The following OTOA variants were observed in gnomAD, a reference collection of about 807,000 sequenced individuals.
OTOA encodes cancer/testis antigen 108.
In OTOA, 70 loss-of-function variants were observed where a neutral mutation model predicts 110.8. The observed-to-expected ratio is 0.63, with a 90% CI of 0.52 to 0.77. The LOEUF (loss-of-function observed/expected upper bound fraction) is 0.77. Ranked by LOEUF, OTOA falls within the 30% of genes least tolerant of loss-of-function variation. OTOA has a pLI of 0.00. For synonymous variants in OTOA, 373 were observed against 431.5 expected (o/e 0.86, Z 1.68); for missense variants, 917 against 1,075.8 (o/e 0.85, Z 2.06).
intron 22 of OTOA, among the ~76,000 whole-genome samples, chr16:21,738,789 T>C (rs1464952007): frequency 1.8e-4 from 27 of 152,416 alleles, no homozygotes; most frequent in African/African-American, 6.0e-4. Flanking sequence ...AAAACAGGAA[T>C]GCCTATTCCC....
At chr16:21,739,089 C>T (rs542667562) in intron 22 of OTOA, among the ~76,000 whole-genome samples, 4 of 152,422 alleles carry the variant, frequency 2.6e-5, no homozygotes, top group Admixed American at 2.0e-4. Context: ...TTTGAGTGTT[C>T]TTTAGTTGGT....
At chr16:21,751,561 T>C (rs1169251830) in intron 24 of OTOA, among the ~76,000 whole-genome samples, 1 of 86,720 alleles carries the variant, frequency 1.2e-5, no homozygotes, top group Non-Finnish European at 2.7e-5. Context: ...AGAAACGTTG[T>C]GGAAAAAGAT....
rs149729555 is a variant in OTOA, at chr16:21,760,390, C to T, written c.3350-80C>T. 9,420 of 1,150,856 alleles carry T rather than the reference C, an allele frequency of 8.2e-3. 279 individuals carry two copies. In the African/African-American group the frequency reaches 0.12, roughly 15 times the overall value. 71.3% of individuals were successfully genotyped at this position (1,150,856 alleles called of 1,614,324 possible). The stretch of plus-strand genomic sequence containing the variant: ...CATCAAGTGGCCCCAGAGAGAGACT[C>T]GGGGAGTTGGACATCATGTGTCTAC... On this transcript the variant is annotated intron_variant, in intron 28 of 28. Transcript: ENST00000646100.
chr16:21,723,261 G>T (rs139739270), intron 18 of OTOA, among the ~76,000 whole-genome samples: 1 of 152,106 alleles, frequency 6.6e-6, no homozygotes, highest in African/African-American at 2.4e-5. Flanking sequence ...CTGGCTTTGC[G>T]GCTGTGCCAG....
intron 10 of OTOA, among the ~76,000 whole-genome samples, chr16:21,698,921 A>AGGAATTTT (rs879787606): frequency 2.9e-4 from 44 of 152,138 alleles, no homozygotes; most frequent in Non-Finnish European, 4.7e-4. Context: ...GAAGTCAAGA[A>AGGAATTTT]TAACACTGCT....
chr16:21,756,574 T>C (rs1402530106), intron 27 of OTOA, among the ~76,000 whole-genome samples: 2 of 152,064 alleles, frequency 1.3e-5, no homozygotes, highest in South Asian at 4.2e-4. Context: ...GGTGGAAGAC[T>C]TGAAGCACTG....
chr16:21,733,354 C>A (rs1415378899), intron 21 of OTOA, among the ~76,000 whole-genome samples: 1 of 150,262 alleles, frequency 6.7e-6, no homozygotes, highest in African/African-American at 2.4e-5. Flanking sequence ...ATTAGAATCA[C>A]CTGGGGAGAT....
intron 10 of OTOA, 90 bp from the exon 11 acceptor site, chr16:21,700,798 G>A (rs1277875023): frequency 6.7e-7 from 1 of 1,492,950 alleles, no homozygotes; most frequent in Admixed American, 1.7e-5. Context: ...AAGTGTCCAT[G>A]ATGGGGCACA....
At chr16:21,719,302 T>A in intron 16 of OTOA, 85 bp from the exon 17 acceptor site, 7 of 1,541,900 alleles carry the variant, frequency 4.5e-6, no homozygotes, top group Non-Finnish European at 6.3e-6. Flanking sequence ...GTAGCTTGTA[T>A]CTGATCATAT....
chr16:21,719,069 G>C (rs372050850), intron 15 of OTOA, 64 bp from the exon 16 acceptor site: 1 of 1,481,046 alleles, frequency 6.8e-7, no homozygotes, highest in African/African-American at 1.4e-5. Context: ...TCCTGATAGG[G>C]CCTCACAGTG....
intron 20 of OTOA, 140 bp downstream of exon 20, chr16:21,728,571 C>T: frequency 9.0e-7 from 1 of 1,110,714 alleles, no homozygotes; most frequent in South Asian, 1.6e-5. Context: ...GAAATGTGAC[C>T]TTTCTTCTTT....
In OTOA at chr16:21,670,753, A is replaced by G. The variant is rs76580355; in HGVS notation, c.-5+6521A>G. Among the ~76,000 whole-genome samples, 1,342 of 152,344 alleles carry G rather than the reference A, an allele frequency of 8.8e-3. 49 individuals are homozygous for G. Among genetic ancestry groups the G allele is most frequent in the East Asian group, 0.081 (419 of 5,188 alleles). On this transcript the variant is annotated intron_variant, in intron 1 of 28. Coordinates refer to ENST00000646100, the MANE Select transcript of OTOA (RefSeq NM_144672.4). ...ATGTATTATAGCTGTGCTTGGTGCTATAAAAGAGAAGTATTGGCCTTTTCT... is the reference window on the plus strand; with the variant it reads ...ATGTATTATAGCTGTGCTTGGTGCTGTAAAAGAGAAGTATTGGCCTTTTCT...
intron 21 of OTOA, among the ~76,000 whole-genome samples, chr16:21,732,774 A>G (rs1449054006): frequency 1.3e-5 from 2 of 148,446 alleles, no homozygotes; most frequent in African/African-American, 4.9e-5. Context: ...CCAAGTTTAT[A>G]TGTAAGAGAA....
chr16:21,691,723 G>A, intron 9 of OTOA, 36 bp downstream of exon 9: 1 of 1,535,784 alleles, frequency 6.5e-7, no homozygotes, highest in Non-Finnish European at 9.0e-7. Flanking sequence ...CACTTTTTGG[G>A]GGAAGAATAT....
chr16:21,732,245 G>A (rs547750207), intron 21 of OTOA, among the ~76,000 whole-genome samples: 2 of 152,340 alleles, frequency 1.3e-5, no homozygotes, highest in South Asian at 2.1e-4. Context: ...GATTACAGGC[G>A]TGAGCCACCA....
chr16:21,717,529 T>C (rs1459967445), intron 15 of OTOA, among the ~76,000 whole-genome samples: 1 of 152,190 alleles, frequency 6.6e-6, no homozygotes, highest in Non-Finnish European at 1.5e-5. Flanking sequence ...TGGCCTCAGT[T>C]TTCTCATGTG....
intron 1 of OTOA, 100 bp from the exon 2 acceptor site, chr16:21,678,411 T>C (rs1449948071): frequency 2.8e-6 from 2 of 708,666 alleles, no homozygotes; most frequent in Non-Finnish European, 4.5e-6. Context: ...AATGTCCATA[T>C]ATATATATAT....
chr16:21,685,723 T>C (rs914873635), intron 7 of OTOA, among the ~76,000 whole-genome samples: 1 of 152,032 alleles, frequency 6.6e-6, no homozygotes, highest in Non-Finnish European at 1.5e-5. Context: ...CCACCATGCC[T>C]GGCTAATTTT....
intron 1 of OTOA, among the ~76,000 whole-genome samples, chr16:21,673,120 G>C (rs1033778783): frequency 6.6e-6 from 1 of 152,080 alleles, no homozygotes; most frequent in African/African-American, 2.4e-5. Flanking sequence ...TGCACTGCAG[G>C]CTGGGTGACA....
Sources: allele counts gnomAD v4.1 joint callset (sites outside exome capture counted in the v4.1 genomes callset), GRCh38; gene constraint gnomAD v4.1.1; transcripts MANE v1.5; gene names NCBI Gene and HGNC (gene_info 2026-07-23, HGNC 2026-07-21).